Variants in PDE1C observed in about 807,000 individuals in gnomAD.
The protein encoded by PDE1C is phosphodiesterase 1C, also known as dual specificity calcium/calmodulin-dependent 3',5'-cyclic nucleotide phosphodiesterase 1C.
Under a neutral mutation model 93.1 loss-of-function variants are expected in PDE1C, and 62 were observed. The ratio of observed to expected loss-of-function variants is 0.67; its 90% CI spans 0.54 to 0.82. PDE1C has a LOEUF of 0.82. PDE1C is among the 40% of genes least tolerant of loss of function. The pLI is 0.00. For synonymous variants in PDE1C, 325 were observed against 310.1 expected, an observed-to-expected ratio of 1.05 and a Z score of -0.50; for missense variants, 742 against 884.6, an observed-to-expected ratio of 0.84 and a Z score of 2.04.
chr7:32,406,811 T>A (rs888901944), intron 1 of PDE1C, among the ~76,000 whole-genome samples: 13 of 152,266 alleles, frequency 8.5e-5, no homozygotes, highest in African/African-American at 3.1e-4. Context: ...GGGCCCTGCA[T>A]CTGACCAGCT....
chr7:31,669,707 TG>T, the PDE1C span, among the ~76,000 whole-genome samples: 1 of 152,210 alleles, frequency 6.6e-6, no homozygotes. Context: ...CAAACTAAAG[TG>T]GGTGGCAGAG....
intron 2 of PDE1C, among the ~76,000 whole-genome samples, chr7:31,950,236 T>A (rs530468105): frequency 1.3e-5 from 2 of 152,140 alleles, no homozygotes; most frequent in African/African-American, 2.4e-5. Context: ...GCACTGTGTG[T>A]AAAGATAAAG....
At chr7:32,238,671 A>T (rs146916636) in intron 1 of PDE1C, among the ~76,000 whole-genome samples, 1 of 152,232 alleles carries the variant, frequency 6.6e-6, no homozygotes, top group Non-Finnish European at 1.5e-5. Flanking sequence ...TGAAACCATT[A>T]AGACAATGTT....
the PDE1C span, chr7:31,651,094 A>G: frequency 1.3e-6 from 2 of 1,587,128 alleles, no homozygotes; most frequent in African/African-American, 2.7e-5. Context: ...GAGCTCTTGC[A>G]GAGGATCAGA....
At chr7:32,128,714 C>T (rs757780462) in intron 3 of PDE1C, among the ~76,000 whole-genome samples, 2 of 150,830 alleles carry the variant, frequency 1.3e-5, no homozygotes, top group Non-Finnish European at 3.0e-5. Flanking sequence ...CTTTGGGGGA[C>T]AATTTATCAA....
chr7:32,180,114 T>C (rs960187418), intron 2 of PDE1C, among the ~76,000 whole-genome samples: 3 of 152,118 alleles, frequency 2.0e-5, no homozygotes, highest in Non-Finnish European at 1.5e-5. Context: ...ACAATAATGA[T>C]GGTACAAAAA....
chr7:32,201,402 T>C lies in PDE1C; in HGVS notation c.136+8087A>G, dbSNP rs555856210. Among the ~76,000 whole-genome samples the C allele has an allele frequency of 4.6e-5, 7 of 152,336 alleles. No homozygotes were observed. In the East Asian group the frequency reaches 9.6e-4, roughly 21 times the overall value. On this transcript the variant is annotated intron_variant, in intron 2 of 18. Coordinates refer to the PDE1C transcript ENST00000396193. The stretch of plus-strand genomic sequence containing the variant: ...TTACATACAAAAAAAATTCTATTCA[T>C]ATTTTTCAATTATCTAAGCGTGTAC...
chr7:31,697,910 T>C, the PDE1C span, among the ~76,000 whole-genome samples: 1 of 152,212 alleles, frequency 6.6e-6, no homozygotes. Context: ...TCATCTACTT[T>C]AAAGTCTTAT....
intron 3 of PDE1C, among the ~76,000 whole-genome samples, chr7:32,167,121 A>C (rs1282456936): frequency 2.0e-5 from 3 of 152,198 alleles, no homozygotes; most frequent in African/African-American, 4.8e-5. Context: ...AACACCCATC[A>C]TTGATAAATT....
chr7:31,729,735 G>T, the PDE1C span, among the ~76,000 whole-genome samples: 1 of 152,188 alleles, frequency 6.6e-6, no homozygotes. Flanking sequence ...TGGGTTTGGG[G>T]TTAGTGTTGA....
intron 17 of PDE1C, among the ~76,000 whole-genome samples, chr7:31,760,794 A>ACACC (rs1554322464): frequency 6.7e-6 from 1 of 149,024 alleles, no homozygotes; most frequent in East Asian, 2.0e-4. Context: ...ACACACACAC[A>ACACC]CCAAACCACA....
intron 9 of PDE1C, among the ~76,000 whole-genome samples, chr7:31,843,101 T>TTATGA (rs1300510774): frequency 1.3e-5 from 2 of 151,944 alleles, no homozygotes; most frequent in African/African-American, 4.8e-5. Context: ...CTCTTTAAGC[T>TTATGA]TATGATATTT....
chr7:32,325,799 T>A (rs982664423), intron 1 of PDE1C, among the ~76,000 whole-genome samples: 3 of 152,176 alleles, frequency 2.0e-5, no homozygotes, highest in Non-Finnish European at 4.4e-5. Context: ...ATTATACAAT[T>A]ATAAGGACTT....
the PDE1C span, among the ~76,000 whole-genome samples, chr7:31,698,833 AT>A: frequency 6.6e-6 from 1 of 152,228 alleles, no homozygotes; most frequent in Non-Finnish European, 1.5e-5. Flanking sequence ...AGGAAGAGAT[AT>A]TTAAGCAGAG....
chr7:31,938,473 T>G (rs761955887), intron 2 of PDE1C, among the ~76,000 whole-genome samples: 22 of 152,150 alleles, frequency 1.4e-4, no homozygotes, highest in Non-Finnish European at 2.4e-4. Flanking sequence ...TAAAGTCATA[T>G]TCAATATTAT....
the PDE1C span, among the ~76,000 whole-genome samples, chr7:31,711,768 T>G: frequency 1.3e-5 from 2 of 152,162 alleles, no homozygotes; most frequent in Non-Finnish European, 1.5e-5. Flanking sequence ...ATTCTCTACA[T>G]TGAAATTAAA....
At chr7:31,748,297 C>A (rs189083996), downstream of PDE1C, among the ~76,000 whole-genome samples, 33 of 143,736 alleles carry the variant, frequency 2.3e-4, no homozygotes, top group Non-Finnish European at 2.5e-4. Context: ...AGTTTGGAAT[C>A]TTTCTTTACC....
In PDE1C at chr7:31,879,145, G is replaced by A; in HGVS notation, c.276C>T (p.Asp92=). 6.2e-7 allele frequency: 1 copy of A among 1,614,048 alleles called. No homozygotes were observed. Among genetic ancestry groups the A allele is most frequent in the Non-Finnish European group, 8.5e-7 (1 of 1,179,998 alleles). ...RLLDTEDELS[D]IQSDAVPSEV... ...CAGAAGGCACAGCATCTGACTGAAT[G>A]TCACTGAGCTCATCCTCTGTATCCA... The change falls in exon 4 of 18, where the codon GAC becomes GAT. Residue 92 remains aspartate (D), a synonymous_variant. Coordinates refer to ENST00000396191, the MANE Select transcript of PDE1C (RefSeq NM_001191057.4).
intron 1 of PDE1C, among the ~76,000 whole-genome samples, chr7:32,383,098 G>A (rs1483629918): frequency 6.6e-6 from 1 of 152,126 alleles, no homozygotes; most frequent in East Asian, 1.9e-4. Context: ...TAACAATCAA[G>A]TTATTATCTT....
Sources: allele counts gnomAD v4.1 joint callset (sites outside exome capture counted in the v4.1 genomes callset), GRCh38; gene constraint gnomAD v4.1.1; transcripts MANE v1.5; gene names NCBI Gene and HGNC (gene_info 2026-07-23, HGNC 2026-07-21).